The following GSDME variants were observed in gnomAD, a reference collection of about 807,000 sequenced individuals.
The protein encoded by GSDME is gasdermin E, also known as gasdermin-E.
GSDME carries 44 observed loss-of-function variants against 47.5 expected under a neutral mutation model. The ratio of observed to expected loss-of-function variants is 0.93; its 90% confidence interval spans 0.73 to 1.19. The LOEUF (loss-of-function observed/expected upper bound fraction) is 1.19. Ranked by LOEUF, GSDME falls within the 50% of genes most tolerant of loss-of-function variation. The pLI is 0.00. For synonymous variants in GSDME, 258 were observed against 252.8 expected (o/e 1.02, Z -0.20); for missense variants, 663 against 604.2 (o/e 1.10, Z -1.02).
rs139906419 is a variant in GSDME, at chr7:24,737,052, G to C, written c.404+7510C>G. Among the ~76,000 whole-genome samples the C allele has an allele frequency of 2.2e-3, 341 of 151,966 alleles. 1 individual carries two copies. Among genetic ancestry groups the C allele is most frequent in the African/African-American group, 8.0e-3 (331 of 41,506 alleles). ...TTATAGCTGTACATAAATCAAAAAA[G>C]TAGAAAAATTTCAAATAAACAATCT... is the stretch of plus-strand genomic sequence containing the variant. On this transcript the variant is annotated intron_variant, in intron 3 of 9. Coordinates refer to ENST00000645220, the MANE Select transcript of GSDME (RefSeq NM_001127453.2).
rs1788737206 is a variant in GSDME at position 24,698,767 on chromosome 7, C to T, written c.*259G>A. 1.9e-6 allele frequency: 1 copy of T among 515,044 alleles called. No individual in the cohort carries two copies. The highest frequency in any genetic ancestry group is 2.1e-5 in the South Asian group (1 of 47,846). 31.9% of individuals were successfully genotyped at this position (515,044 alleles called of 1,614,324 possible). A position where few individuals can be genotyped will look rare whatever the true frequency, so the allele number is the denominator to read the frequency against. Reference sequence around the variant, plus strand: ...AACGTCTGAATGTATGCTAAGAATTCTCCGCCCTCCCAGCTCTTTACATGC... The same window carrying T: ...AACGTCTGAATGTATGCTAAGAATTTTCCGCCCTCCCAGCTCTTTACATGC... On this transcript the variant is annotated 3_prime_UTR_variant, in exon 10 of 10. Transcript: ENST00000645220.
the GSDME span, among the ~76,000 whole-genome samples, chr7:24,794,139 ATC>A: frequency 3.7e-4 from 55 of 150,616 alleles, no homozygotes; most frequent in Admixed American, 2.6e-3. Flanking sequence ...CTACTTGTAT[ATC>A]TCTCTCTTTC....
At chr7:24,719,333 G>A (rs1417707429) in intron 3 of GSDME, 115 bp from the exon 4 acceptor site, 2 of 1,147,924 alleles carry the variant, frequency 1.7e-6, no homozygotes, top group East Asian at 2.4e-5. Context: ...GCCAGGCTTT[G>A]TTGATTTCCT....
rs1399586303 is a variant in GSDME, at chr7:24,702,759, C to T, written c.1257+1G>A. The T allele has an allele frequency of 6.2e-7, 1 of 1,613,046 alleles. No homozygotes were observed. The highest frequency in any genetic ancestry group is 8.5e-7 in the Non-Finnish European group (1 of 1,179,316). ...AAGGTCCCACCTGGGAGGTTGCTTA[C>T]CAAGTGGCACAGTGTGGGAATGATC... is the stretch of plus-strand genomic sequence containing the variant. On this transcript the variant is annotated splice_donor_variant, in intron 9 of 9. Transcript: ENST00000645220. LOFTEE classifies it high-confidence loss of function.
intron 9 of GSDME, among the ~76,000 whole-genome samples, chr7:24,700,715 G>A (rs1788830274): frequency 6.6e-6 from 1 of 152,180 alleles, no homozygotes; most frequent in Non-Finnish European, 1.5e-5. Context: ...TTACCATTAG[G>A]CTCAGACTGC....
chr7:24,706,429 C>T, intron 7 of GSDME, 53 bp from the exon 8 acceptor site: 2 of 1,566,966 alleles, frequency 1.3e-6, no homozygotes, highest in Middle Eastern at 2.3e-4. Flanking sequence ...CCAAGCGCCA[C>T]AGCTGGGGCC....
rs1790636424 is a variant in GSDME, at chr7:24,745,361, G to A, written c.212-607C>T. Among the ~76,000 whole-genome samples, 1 of 152,026 alleles carries A rather than the reference G, an allele frequency of 6.6e-6. No homozygotes were observed. Among genetic ancestry groups the A allele is most frequent in the Non-Finnish European group, 1.5e-5 (1 of 67,998 alleles). The stretch of plus-strand genomic sequence containing the variant: ...TCTTGTCTACCCACCCACCAGTCTT[G>A]GAAAACAATCCCCTGGCCCTTATTA... On this transcript the variant is annotated intron_variant, in intron 2 of 9. Transcript: ENST00000645220. This position sits in a 1 kb window ranked among gnomAD's most constrained non-coding sequence, Gnocchi z 4.4.
rs75306590 is a variant in GSDME, at chr7:24,716,051, A to T, written c.697+1203T>A. Among the ~76,000 whole-genome samples, 2 of 151,998 alleles carry T rather than the reference A, an allele frequency of 1.3e-5. No individual in the cohort carries two copies. ...TGGCTGCTGAATGGCGTAGTGACTC[A>T]TGTGGGCTTAGCGAGGGCAGGAGCT... On this transcript the variant is annotated intron_variant, in intron 5 of 9. Coordinates refer to ENST00000645220, the MANE Select transcript of GSDME (RefSeq NM_001127453.2). The surrounding 1 kb of genome is among the most constrained non-coding windows in gnomAD (Gnocchi z 4.5).
rs1226521924 is a variant in GSDME at position 24,745,487 on chromosome 7, TC to T, written c.212-734del. Among the ~76,000 whole-genome samples, 1 of 152,230 alleles carries T rather than the reference TC, an allele frequency of 6.6e-6. No individual in the cohort carries two copies. The highest frequency in any genetic ancestry group is 1.5e-5 in the Non-Finnish European group (1 of 68,042). ...ATCATATAATTCCTTATCTCTGACT[TC>T]CTGATAAGGTCAGTGGACATGCCCT... On this transcript the variant is annotated intron_variant, in intron 2 of 9. Coordinates refer to ENST00000645220, the MANE Select transcript of GSDME (RefSeq NM_001127453.2). The surrounding 1 kb of genome is among the most constrained non-coding windows in gnomAD (Gnocchi z 4.4).
the GSDME span, among the ~76,000 whole-genome samples, chr7:24,771,962 C>T: frequency 6.6e-6 from 1 of 152,324 alleles, no homozygotes; most frequent in Admixed American, 6.5e-5. This position sits in a 1 kb window ranked among gnomAD's most constrained non-coding sequence, Gnocchi z 4.1. Flanking sequence ...AAAACTTCAC[C>T]TGATGCAGTC....
chr7:24,710,122 G>A (rs1047336300), intron 6 of GSDME, 102 bp downstream of exon 6: 2 of 1,268,870 alleles, frequency 1.6e-6, no homozygotes, highest in Non-Finnish European at 1.1e-6. Flanking sequence ...TGTTTTCTGT[G>A]AGTCACTGAG....
intron 1 of GSDME, among the ~76,000 whole-genome samples, chr7:24,755,880 C>T (rs1791000212): frequency 6.6e-6 from 1 of 152,130 alleles, no homozygotes; most frequent in Non-Finnish European, 1.5e-5. Context: ...TCTGGGGAGA[C>T]GAAACATGGC....
chr7:24,784,339 C>A, the GSDME span, among the ~76,000 whole-genome samples: 378 of 152,258 alleles, frequency 2.5e-3, no homozygotes, highest in Non-Finnish European at 4.4e-3. Context: ...AAGGTGAAGT[C>A]CCACGATAGG....
chr7:24,766,515 C>G, the GSDME span, among the ~76,000 whole-genome samples: 1 of 152,088 alleles, frequency 6.6e-6, no homozygotes, highest in African/African-American at 2.4e-5. The surrounding 1 kb of genome is among the most constrained non-coding windows in gnomAD (Gnocchi z 4.2). Flanking sequence ...CATGTGTTCT[C>G]ATTGTTCAAC....
intron 2 of GSDME, among the ~76,000 whole-genome samples, chr7:24,748,996 A>G (rs1385311348): frequency 6.6e-6 from 1 of 152,168 alleles, no homozygotes; most frequent in Non-Finnish European, 1.5e-5. Context: ...GATCCACCCC[A>G]CTTATGCTGA....
the GSDME span, among the ~76,000 whole-genome samples, chr7:24,769,744 A>T: frequency 6.6e-6 from 1 of 152,226 alleles, no homozygotes. Context: ...GCTGAAAAGT[A>T]AAAAACTAAA....
chr7:24,788,594 G>A, the GSDME span, among the ~76,000 whole-genome samples: 1 of 152,140 alleles, frequency 6.6e-6, no homozygotes, highest in Non-Finnish European at 1.5e-5. The surrounding 1 kb of genome is among the most constrained non-coding windows in gnomAD (Gnocchi z 4.6). Context: ...ATCATCTAAG[G>A]GGACAGTGAT....
rs890415464 is a variant in GSDME, at chr7:24,714,360, C to T, written c.697+2894G>A. On this transcript the variant is annotated intron_variant, in intron 5 of 9. Transcript: ENST00000645220. The surrounding 1 kb of genome is among the most constrained non-coding windows in gnomAD (Gnocchi z 5.0). ...CATGTCTTCTCAAGGGCCCTTCCAA[C>T]CACTGCAGGTTTATGTCTATGAAGC... Among the ~76,000 whole-genome samples, 1 of 152,090 alleles carries T rather than the reference C, an allele frequency of 6.6e-6. No individual in the cohort carries two copies. The highest frequency in any genetic ancestry group is 2.4e-5 in the African/African-American group (1 of 41,404).
In GSDME at chr7:24,736,746, T is replaced by C. The variant is rs1340609206; in HGVS notation, c.404+7816A>G. The stretch of plus-strand genomic sequence containing the variant: ...TCAGCACATGGATCATTCGCAAGGA[T>C]AGACCATATGTTAGGCCACAAAACA... On this transcript the variant is annotated intron_variant, in intron 3 of 9. Transcript: ENST00000645220. The surrounding 1 kb of genome is among the most constrained non-coding windows in gnomAD (Gnocchi z 4.6). 6.6e-6 allele frequency among the ~76,000 whole-genome samples: 1 copy of C among 152,198 alleles called. No individual in the cohort carries two copies. Among genetic ancestry groups the C allele is most frequent in the Non-Finnish European group, 1.5e-5 (1 of 68,026 alleles).
Sources: allele counts gnomAD v4.1 joint callset (sites outside exome capture counted in the v4.1 genomes callset), GRCh38; gene constraint gnomAD v4.1.1; non-coding constraint Gnocchi (gnomAD v3.1); transcripts MANE v1.5; gene names NCBI Gene and HGNC (gene_info 2026-07-23, HGNC 2026-07-21).